The following C12orf42 variants were observed in gnomAD, a reference collection of about 807,000 sequenced individuals.
The protein encoded by C12orf42 is uncharacterized protein C12orf42.
In C12orf42, 25 loss-of-function variants were observed where a neutral mutation model predicts 21.6. The ratio of observed to expected loss-of-function variants is 1.16; its 90% CI spans 0.84 to 1.62. The LOEUF is 1.62. Ranked by LOEUF, C12orf42 falls within the 40% of genes most tolerant of loss-of-function variation. The pLI is 0.00. For missense variants in C12orf42, 483 were observed against 459.3 expected, an observed-to-expected ratio of 1.05 and a Z score of -0.47; for synonymous variants, 174 against 175.0, an observed-to-expected ratio of 0.99 and a Z score of 0.05.
chr12:103,434,846 G>C (rs1950555607), intron 2 of C12orf42, among the ~76,000 whole-genome samples: 1 of 152,220 alleles, frequency 6.6e-6, no homozygotes, highest in Non-Finnish European at 1.5e-5. Context: ...CGTTGCCCAG[G>C]CTTGCTTAGG....
At chr12:103,225,328 T>C in the C12orf42 span, among the ~76,000 whole-genome samples, 231 of 152,140 alleles carry the variant, frequency 1.5e-3, no homozygotes, top group African/African-American at 5.2e-3. Context: ...AATGGGGGAA[T>C]TGTAAGGAGA....
At chr12:103,507,156 A>AT in the C12orf42 span, among the ~76,000 whole-genome samples, 1 of 20,652 alleles carries the variant, frequency 4.8e-5, no homozygotes, top group Non-Finnish European at 6.5e-5. Context: ...ATATAAATAT[A>AT]TATATATAAT....
At chr12:103,286,448 C>A (rs928885920) in intron 4 of C12orf42, among the ~76,000 whole-genome samples, 2 of 151,614 alleles carry the variant, frequency 1.3e-5, no homozygotes, top group Non-Finnish European at 2.9e-5. Context: ...ATTATATTTA[C>A]ACCCACTAAG....
chr12:103,441,150 A>G (rs1044857288), intron 2 of C12orf42, among the ~76,000 whole-genome samples: 2 of 152,088 alleles, frequency 1.3e-5, no homozygotes, highest in African/African-American at 4.8e-5. Context: ...TAAGTATTAT[A>G]TTTTCCAAAC....
chr12:103,202,521 CT>C, the C12orf42 span, among the ~76,000 whole-genome samples: 1 of 152,312 alleles, frequency 6.6e-6, no homozygotes, highest in Admixed American at 6.5e-5. Context: ...TTGAGTCTAA[CT>C]GGAAAATCTG....
At chr12:103,119,755 A>G in the C12orf42 span, among the ~76,000 whole-genome samples, 1 of 152,232 alleles carries the variant, frequency 6.6e-6, no homozygotes, top group Non-Finnish European at 1.5e-5. Flanking sequence ...ATTGGGATAG[A>G]GTCTTCAATT....
the C12orf42 span, among the ~76,000 whole-genome samples, chr12:103,530,192 C>T: frequency 1.3e-5 from 2 of 152,234 alleles, no homozygotes; most frequent in Admixed American, 1.3e-4. Flanking sequence ...TAAGCTATGC[C>T]AGAAAATAAA....
chr12:103,369,953 A>G (rs1164173323), intron 3 of C12orf42, among the ~76,000 whole-genome samples: 2 of 152,042 alleles, frequency 1.3e-5, no homozygotes, highest in Admixed American at 1.3e-4. Context: ...ACCTACAGAA[A>G]AGGAGAAAGT....
chr12:103,425,151 G>A (rs981293092), intron 2 of C12orf42, among the ~76,000 whole-genome samples: 1 of 152,188 alleles, frequency 6.6e-6, no homozygotes, highest in African/African-American at 2.4e-5. Flanking sequence ...TCACCTCTGG[G>A]TAGGGAATCT....
At chr12:103,243,450 CTGTATCCTTATTGTAATTATTAAAATAAT>C (rs1224420154) in intron 10 of C12orf42, among the ~76,000 whole-genome samples, 3 of 152,026 alleles carry the variant, frequency 2.0e-5, no homozygotes, top group African/African-American at 7.2e-5. Context: ...TTCACATTAT[CTGTATCCTTATTGTAATTATTAAAATAAT>C]TGTATCCTTA....
the C12orf42 span, among the ~76,000 whole-genome samples, chr12:103,220,077 A>C: frequency 1.4e-4 from 22 of 152,370 alleles, no homozygotes; most frequent in African/African-American, 5.3e-4. Context: ...AATATTATGC[A>C]GCCATAAAAA....
At chr12:103,396,718 G>A (rs796280248) in intron 3 of C12orf42, 4 of 152,340 alleles carry the variant, frequency 2.6e-5, no homozygotes, top group African/African-American at 9.6e-5. Flanking sequence ...AAGGTGCATT[G>A]TTAGTAGACA....
the C12orf42 span, chr12:103,557,760 C>T: frequency 5.3e-5 from 8 of 152,158 alleles, no homozygotes; most frequent in Non-Finnish European, 8.8e-5. Flanking sequence ...CCTGGGACCA[C>T]CTCCAAAACT....
chr12:103,495,457 TGCGGGCG>T (rs964541026), intron 1 of C12orf42, among the ~76,000 whole-genome samples: 5 of 146,004 alleles, frequency 3.4e-5, no homozygotes, highest in African/African-American at 1.2e-4. Context: ...TGTATTAGCA[TGCGGGCG>T]GCGGCGAGCC....
the C12orf42 span, among the ~76,000 whole-genome samples, chr12:103,209,828 C>T: frequency 2.0e-5 from 3 of 152,176 alleles, no homozygotes; most frequent in Middle Eastern, 3.2e-3. Flanking sequence ...TCTATGTATA[C>T]GGTGGAAAGG....
chr12:103,286,998 A>T (rs535375328), intron 4 of C12orf42, among the ~76,000 whole-genome samples: 45 of 152,212 alleles, frequency 3.0e-4, no homozygotes, highest in African/African-American at 1.0e-3. Flanking sequence ...TCAAAACCAC[A>T]ATGAGATACC....
chr12:103,133,426 G>A, the C12orf42 span, among the ~76,000 whole-genome samples: 2 of 152,114 alleles, frequency 1.3e-5, no homozygotes, highest in African/African-American at 4.8e-5. Context: ...TAACACCAAT[G>A]CCAACTTATG....
At chr12:103,290,693 C>T (rs1450899389) in intron 4 of C12orf42, among the ~76,000 whole-genome samples, 2 of 152,070 alleles carry the variant, frequency 1.3e-5, no homozygotes, top group Non-Finnish European at 1.5e-5. Flanking sequence ...AACATCTGCC[C>T]ACACATTATA....
intron 4 of C12orf42, among the ~76,000 whole-genome samples, chr12:103,335,282 ATGCACCCTTT>A (rs2041594338): frequency 1.3e-5 from 2 of 152,206 alleles, no homozygotes; most frequent in South Asian, 4.1e-4. Context: ...CTCAAGCAGG[ATGCACCCTTT>A]TGGCCTCTTT....
Sources: allele counts gnomAD v4.1 joint callset (sites outside exome capture counted in the v4.1 genomes callset), GRCh38; gene constraint gnomAD v4.1.1; transcripts MANE v1.5; gene names NCBI Gene and HGNC (gene_info 2026-07-23, HGNC 2026-07-21).